FOXP4: variants seen among roughly 807,000 people sequenced by gnomAD.
FOXP4 encodes the protein forkhead box P4.
A neutral mutation model predicts 82.6 loss-of-function variants in FOXP4; 25 were observed. The observed-to-expected ratio is 0.30, with a 90% CI of 0.22 to 0.42. The LOEUF (loss-of-function observed/expected upper bound fraction) is 0.42, where lower values mean the gene tolerates loss of function less well. FOXP4 is among the 10% of genes least tolerant of loss of function. The probability of loss-of-function intolerance (pLI) is 1.00; values close to 1 mark genes in which losing one functional copy is unlikely to be tolerated. For missense variants in FOXP4, 785 were observed against 900.9 expected, an observed-to-expected ratio of 0.87 and a Z score of 1.65; for synonymous variants, 415 against 388.2, an observed-to-expected ratio of 1.07 and a Z score of -0.81.
At chr6:41,581,078 G>A (rs1765773738) in intron 3 of FOXP4, among the ~76,000 whole-genome samples, 1 of 152,224 alleles carries the variant, frequency 6.6e-6, no homozygotes, top group South Asian at 2.1e-4. Context: ...CCTTGGCTTC[G>A]TCCATCCCCA....
At chr6:41,584,141 T>C (rs552205583) in intron 3 of FOXP4, among the ~76,000 whole-genome samples, 2 of 152,304 alleles carry the variant, frequency 1.3e-5, no homozygotes, top group Non-Finnish European at 2.9e-5. Flanking sequence ...AGGACCAGGA[T>C]GGCACCAAGA....
chr6:41,572,336 A>G (rs970645176), intron 2 of FOXP4, among the ~76,000 whole-genome samples: 1 of 151,798 alleles, frequency 6.6e-6, no homozygotes, highest in African/African-American at 2.4e-5. Context: ...TCCATGGGAC[A>G]CTCGCCACCA....
intron 1 of FOXP4, among the ~76,000 whole-genome samples, chr6:41,547,262 G>A (rs1412870093): frequency 6.6e-6 from 1 of 151,806 alleles, no homozygotes; most frequent in Non-Finnish European, 1.5e-5. Flanking sequence ...CCCCCTCCCC[G>A]CCGGGCCTCT....
chr6:41,563,884 C>T (rs993503514), intron 1 of FOXP4, among the ~76,000 whole-genome samples: 9 of 152,162 alleles, frequency 5.9e-5, no homozygotes, highest in Admixed American at 5.2e-4. Context: ...CTTTTGTATC[C>T]ATAGGTCCTG....
Position 41,587,320 on chromosome 6 carries a change from T to C in FOXP4, c.680T>C (p.Leu227Pro), listed in dbSNP as rs1467816466. 6.2e-7 allele frequency: 1 copy of C among 1,613,078 alleles called. No homozygotes were observed. The highest frequency in any genetic ancestry group is 8.5e-7 in the Non-Finnish European group (1 of 1,179,702). ...ACAGCAGCTGTTTGCCCAACAGACC[T>C]GCCCCAGCTGTGGAAGGGCGAGGGT... ...LPQAAVCPTD[L>P]PQLWKGEGAP... Residue 227 changes from leucine (L) to proline (P), a missense_variant, in exon 7 of 17, where the codon CTG becomes CCG. Leu to Pro is a moderately conservative substitution (Grantham distance 98, BLOSUM62 -3). Transcript: ENST00000307972.
chr6:41,562,731 C>T (rs1764656692), intron 1 of FOXP4, among the ~76,000 whole-genome samples: 1 of 152,210 alleles, frequency 6.6e-6, no homozygotes, highest in Non-Finnish European at 1.5e-5. Flanking sequence ...TCTCAGATCT[C>T]AGAGAAGCTA....
chr6:41,588,969 C>G (rs1048299469), intron 9 of FOXP4, among the ~76,000 whole-genome samples: 2 of 152,134 alleles, frequency 1.3e-5, no homozygotes, highest in African/African-American at 4.8e-5. Context: ...AAGAGACTCA[C>G]GCTACATAGA....
intron 14 of FOXP4, 70 bp from the exon 15 acceptor site, chr6:41,597,102 TAGTG>T (rs879057920): frequency 2.9e-5 from 43 of 1,492,988 alleles, no homozygotes; most frequent in South Asian, 2.4e-4. Flanking sequence ...GGCCGTTACT[TAGTG>T]AGAGTAAAGA....
chr6:41,551,294 C>T (rs1288854843), intron 1 of FOXP4, among the ~76,000 whole-genome samples: 2 of 152,214 alleles, frequency 1.3e-5, no homozygotes, highest in Non-Finnish European at 2.9e-5. Flanking sequence ...TGTGGTGTGT[C>T]GCCCGGGCTG....
At chr6:41,579,488 G>A (rs937322690) in intron 3 of FOXP4, among the ~76,000 whole-genome samples, 3 of 152,138 alleles carry the variant, frequency 2.0e-5, no homozygotes, top group African/African-American at 4.8e-5. Flanking sequence ...AACAGCAAAC[G>A]TTCCCCCAAA....
Position 41,590,094 on chromosome 6 carries a change from G to A in FOXP4, c.1281G>A (p.Leu427=). The change falls in exon 11 of 17, where the codon CTG becomes CTA. Residue 427 remains leucine, a synonymous_variant. Transcript: ENST00000307972. ...APVTPLRPPG[L]GSASLHGGGP... ...TCACCCCTCTACGGCCCCCTGGCCT[G>A]GGCTCTGCCTCCCTGCATGGTGGGG... is the stretch of plus-strand genomic sequence containing the variant. 1 of 1,613,654 alleles carries A rather than the reference G, an allele frequency of 6.2e-7. No homozygotes were observed.
At chr6:41,577,786 C>G (rs1765568442) in intron 2 of FOXP4, among the ~76,000 whole-genome samples, 200 bp from the exon 3 acceptor site, 1 of 152,146 alleles carries the variant, frequency 6.6e-6, no homozygotes, top group East Asian at 1.9e-4. Flanking sequence ...TCTGTAGAGG[C>G]TCTGATCCCT....
intron 2 of FOXP4, 71 bp downstream of exon 2, chr6:41,566,035 G>A: frequency 6.8e-7 from 1 of 1,471,076 alleles, no homozygotes; most frequent in Non-Finnish European, 9.2e-7. Context: ...ACTTCATCCT[G>A]GCTGCTGGAG....
Position 41,597,864 on chromosome 6 carries a change from C to T in FOXP4, c.1809C>T (p.Leu603=). ...NPGSASSLLP[L]SHDDVGAPVE... is the part of the protein sequence containing the mutation. The stretch of plus-strand genomic sequence containing the variant: ...GCTCCGCCAGCAGCCTGCTGCCCCT[C>T]AGCCACGATGACGTGGGTGCCCCCG... The change falls in exon 16 of 17, where the codon CTC becomes CTT. Residue 603 remains leucine, a synonymous_variant. Transcript: ENST00000307972. 6.2e-7 allele frequency: 1 copy of T among 1,600,126 alleles called. No homozygotes were observed. Among genetic ancestry groups the T allele is most frequent in the Non-Finnish European group, 8.5e-7 (1 of 1,177,198 alleles).
chr6:41,590,368 G>C (rs1389159820), intron 12 of FOXP4, 21 bp downstream of exon 12: 1 of 1,612,360 alleles, frequency 6.2e-7, no homozygotes, highest in Non-Finnish European at 8.5e-7. Flanking sequence ...CAGGTAGGAG[G>C]AGGGTGGGGA....
chr6:41,597,333 C>T (rs777568512), intron 15 of FOXP4, 91 bp downstream of exon 15: 11 of 1,370,218 alleles, frequency 8.0e-6, no homozygotes, highest in Non-Finnish European at 1.1e-5. Flanking sequence ...GCAGAGGACT[C>T]ACCAGAGGAG....
intron 14 of FOXP4, 77 bp from the exon 15 acceptor site, chr6:41,597,099 A>C: frequency 1.4e-6 from 2 of 1,474,814 alleles, no homozygotes; most frequent in Non-Finnish European, 1.9e-6. Context: ...ACAGGCCGTT[A>C]CTTAGTGAGA....
chr6:41,547,801 G>C (rs1763740444), intron 1 of FOXP4, among the ~76,000 whole-genome samples: 1 of 147,054 alleles, frequency 6.8e-6, no homozygotes, highest in Non-Finnish European at 1.5e-5. Flanking sequence ...CAACTGAGGA[G>C]TCTGGTATCT....
In FOXP4 at chr6:41,587,047, C is replaced by T. The variant is rs373853877; in HGVS notation, c.549C>T (p.Leu183=). Residue 183 remains leucine, a synonymous_variant, in exon 6 of 17, where the codon CTC becomes CTT. Coordinates refer to ENST00000307972, the MANE Select transcript of FOXP4 (RefSeq NM_001012426.2). The part of the protein sequence containing the change: ...GNKQLAFQQQ[L]LQMQQLQQQH... ...AGCAGCTGGCCTTCCAGCAGCAGCT[C>T]CTGCAAATGCAACAGTTGCAGCAGC... The T allele has an allele frequency of 5.6e-6, 9 of 1,604,734 alleles. No individual in the cohort carries two copies. The African/African-American group carries it at 1.2e-4, about 21-fold the overall frequency.
Sources: allele counts gnomAD v4.1 joint callset (sites outside exome capture counted in the v4.1 genomes callset), GRCh38; gene constraint gnomAD v4.1.1; transcripts MANE v1.5; gene names NCBI Gene and HGNC (gene_info 2026-07-23, HGNC 2026-07-21).